The following UNC5A variants were observed in gnomAD, a reference collection of about 807,000 sequenced individuals.
UNC5A encodes unc-5 netrin receptor A.
UNC5A carries 20 observed loss-of-function variants against 87.4 expected under a neutral mutation model. The ratio of observed to expected loss-of-function variants is 0.23; its 90% CI spans 0.16 to 0.33. UNC5A has a LOEUF of 0.33. Among genes scored for constraint, UNC5A ranks in the 10% least tolerant of loss-of-function variants. UNC5A has a pLI of 1.00. For missense variants in UNC5A, 844 were observed against 1,133.4 expected (o/e 0.74, Z 3.67); for synonymous variants, 438 against 482.3 (o/e 0.91, Z 1.20).
At chr5:176,864,048 C>A (rs552136821) in intron 2 of UNC5A, among the ~76,000 whole-genome samples, 1 of 151,808 alleles carries the variant, frequency 6.6e-6, no homozygotes, top group African/African-American at 2.4e-5. Flanking sequence ...GACACACAGG[C>A]CATTGCCGTG....
chr5:176,850,378 G>C (rs1441831973), intron 1 of UNC5A, among the ~76,000 whole-genome samples: 1 of 152,220 alleles, frequency 6.6e-6, no homozygotes, highest in East Asian at 1.9e-4. Flanking sequence ...GGTTGAGGAC[G>C]GCACTGAGCT....
At chr5:176,835,924 G>A (rs1757140291) in intron 1 of UNC5A, among the ~76,000 whole-genome samples, 1 of 152,240 alleles carries the variant, frequency 6.6e-6, no homozygotes, top group Non-Finnish European at 1.5e-5. Context: ...CTTCTGGATA[G>A]AGAAGTGGAA....
chr5:176,840,445 A>G (rs1379474301), intron 1 of UNC5A, among the ~76,000 whole-genome samples: 1 of 152,210 alleles, frequency 6.6e-6, no homozygotes, highest in Non-Finnish European at 1.5e-5. Flanking sequence ...CACTCACATC[A>G]GCACTTTTCT....
rs1386438160 is a variant in UNC5A at position 176,878,054 on chromosome 5, C to T, written c.1796C>T (p.Ala599Val). 6.2e-7 allele frequency: 1 copy of T among 1,609,636 alleles called. No homozygotes were observed. The highest frequency in any genetic ancestry group is 1.3e-5 in the African/African-American group (1 of 75,060). Reference sequence around the variant, plus strand: ...AAGCGCCTCAAGCTGCTTCTGTTTGCGCCGGTGGCCTGCACCTCCCTCGAG... The same window carrying T: ...AAGCGCCTCAAGCTGCTTCTGTTTGTGCCGGTGGCCTGCACCTCCCTCGAG... ...AAKRLKLLLF[A>V]PVACTSLEYN... Residue 599 changes from alanine (A) to valine (V), a missense_variant, in exon 11 of 15, where the codon GCG (alanine) becomes GTG (valine). Coordinates refer to ENST00000329542, the MANE Select transcript of UNC5A (RefSeq NM_133369.3).
intron 13 of UNC5A, 72 bp downstream of exon 13, chr5:176,878,711 T>C: frequency 6.5e-7 from 1 of 1,534,270 alleles, no homozygotes; most frequent in Non-Finnish European, 8.8e-7. Flanking sequence ...CCCAAAACGC[T>C]CCTGCCCTGC....
Position 176,848,629 on chromosome 5 carries a change from G to T in UNC5A, c.71-13995G>T, listed in dbSNP as rs939240499. Reference sequence around the variant, plus strand: ...TTCCCAGATGGAAGGTGGCAGCAGGGCCCAGGCTCCTTCCCGCCCAAATTT... The same window carrying T: ...TTCCCAGATGGAAGGTGGCAGCAGGTCCCAGGCTCCTTCCCGCCCAAATTT... On this transcript the variant is annotated intron_variant, in intron 1 of 14. Coordinates refer to ENST00000329542, the MANE Select transcript of UNC5A (RefSeq NM_133369.3). The surrounding 1 kb of genome is among the most constrained non-coding windows in gnomAD (Gnocchi z 5.8). Among the ~76,000 whole-genome samples the T allele has an allele frequency of 1.3e-5, 2 of 152,136 alleles. No homozygotes were observed. Among genetic ancestry groups the T allele is most frequent in the Non-Finnish European group, 2.9e-5 (2 of 68,030 alleles).
intron 1 of UNC5A, among the ~76,000 whole-genome samples, chr5:176,861,588 G>GGGTT (rs1757841921): frequency 6.6e-6 from 1 of 152,196 alleles, no homozygotes; most frequent in South Asian, 2.1e-4. Flanking sequence ...AGCCCTGGGT[G>GGGTT]GGTTTTGGAT....
Position 176,874,043 on chromosome 5 carries a change from T to C in UNC5A, c.962T>C (p.Leu321Pro). ...GCCGTCTGCCTGGTCCTGCTGCTGCTTGTCCTCATCCTCGTTTATTGCCGG... is the reference window on the plus strand; with the variant it reads ...GCCGTCTGCCTGGTCCTGCTGCTGCCTGTCCTCATCCTCGTTTATTGCCGG... ...AVAVCLVLLL[L>P]VLILVYCRKK... Residue 321 changes from leucine (L) to proline (P), a missense_variant, in exon 7 of 15, where the codon CTT becomes CCT. Physicochemically the swap from Leu to Pro is moderately conservative, Grantham distance 98. Coordinates refer to ENST00000329542, the MANE Select transcript of UNC5A (RefSeq NM_133369.3). The surrounding 1 kb of genome is among the most constrained non-coding windows in gnomAD (Gnocchi z 7.6). 2 of 1,614,106 alleles carry C rather than the reference T, an allele frequency of 1.2e-6. No homozygotes were observed. The highest frequency in any genetic ancestry group is 1.3e-5 in the African/African-American group (1 of 75,040).
chr5:176,820,168 C>A (rs1038791919), intron 1 of UNC5A, among the ~76,000 whole-genome samples: 2 of 152,068 alleles, frequency 1.3e-5, no homozygotes, highest in Admixed American at 6.5e-5. Context: ...GAGGCCGAGG[C>A]GGGTGGATCA....
Position 176,824,687 on chromosome 5 carries a change from G to C in UNC5A, c.70+13867G>C, listed in dbSNP as rs376054251. Reference sequence around the variant, plus strand: ...GGGTGGCTGGGGCTGGAACCTGGATGCCACTTTGGCAGATGAACACCCCCT... The same window carrying C: ...GGGTGGCTGGGGCTGGAACCTGGATCCCACTTTGGCAGATGAACACCCCCT... On this transcript the variant is annotated intron_variant, in intron 1 of 14. Coordinates refer to ENST00000329542, the MANE Select transcript of UNC5A (RefSeq NM_133369.3). The surrounding 1 kb of genome is among the most constrained non-coding windows in gnomAD (Gnocchi z 4.2). Among the ~76,000 whole-genome samples, 38 of 152,328 alleles carry C rather than the reference G, an allele frequency of 2.5e-4. No homozygotes were observed. Among genetic ancestry groups the C allele is most frequent in the African/African-American group, 9.1e-4 (38 of 41,574 alleles).
intron 1 of UNC5A, among the ~76,000 whole-genome samples, chr5:176,816,475 C>T (rs1756591046): frequency 1.3e-5 from 2 of 152,256 alleles, no homozygotes; most frequent in South Asian, 4.1e-4. Flanking sequence ...GCTTCAGACC[C>T]CAGGGGCCCA....
intron 1 of UNC5A, among the ~76,000 whole-genome samples, chr5:176,811,960 A>G (rs901206067): frequency 2.0e-5 from 3 of 152,078 alleles, no homozygotes; most frequent in African/African-American, 7.2e-5. Flanking sequence ...CTGATGATTG[A>G]GGCCGATGGC....
At chr5:176,877,491 G>T in intron 9 of UNC5A, 44 bp from the exon 10 acceptor site, 1 of 1,551,122 alleles carries the variant, frequency 6.4e-7, no homozygotes, top group Non-Finnish European at 8.7e-7. Context: ...CCCAGGATGG[G>T]CCACTGACAC....
At position 176,879,658 on chromosome 5, in the gene UNC5A, G is replaced by C. The variant is rs372680251; in HGVS notation, c.2364-63G>C. ...GAGGCCCTGCCCTGGGGTGGGCCAG[G>C]GGGGGCAGGAGGTGTCGGCTGGGGC... On this transcript the variant is annotated intron_variant, in intron 14 of 14. Transcript: ENST00000329542. The C allele has an allele frequency of 1.8e-4, 289 of 1,590,432 alleles. 1 individual carries two copies. Among genetic ancestry groups the C allele is most frequent in the African/African-American group, 1.5e-3 (113 of 74,622 alleles).
Position 176,831,883 on chromosome 5 carries a change from C to CTTTTTTTTTTT in UNC5A, c.70+21064_70+21065insTTTTTTTTTTT, listed in dbSNP as rs1285414321. On this transcript the variant is annotated intron_variant, in intron 1 of 14. Transcript: ENST00000329542. ...TTTCACTTTCACACACTTTCTCTCT[C>CTTTTTTTTTTT]TCTTTTTTTTTTTTTTTTTTTTTTT... is the stretch of plus-strand genomic sequence containing the variant. Among the ~76,000 whole-genome samples the CTTTTTTTTTTT allele has an allele frequency of 1.6e-4, 19 of 115,312 alleles. 1 individual carries two copies. The highest frequency in any genetic ancestry group is 5.1e-4 in the African/African-American group (14 of 27,290). 75.6% of individuals were successfully genotyped at this position (115,312 alleles called of 152,430 possible).
At chr5:176,870,643 T>TGGAGAGG in intron 6 of UNC5A, 109 bp downstream of exon 6, 1 of 1,293,630 alleles carries the variant, frequency 7.7e-7, no homozygotes, top group Non-Finnish European at 1.0e-6. Flanking sequence ...GGCTGTAGCC[T>TGGAGAGG]CTCCAGGCTC....
Position 176,841,442 on chromosome 5 carries a change from G to A in UNC5A, c.71-21182G>A, listed in dbSNP as rs554800. 0.028 allele frequency among the ~76,000 whole-genome samples: 4,207 copies of A among 152,260 alleles called. 197 individuals are homozygous for A. The highest frequency in any genetic ancestry group is 0.096 in the African/African-American group (3,983 of 41,532). On this transcript the variant is annotated intron_variant, in intron 1 of 14. Transcript: ENST00000329542. This position sits in a 1 kb window ranked among gnomAD's most constrained non-coding sequence, Gnocchi z 4.1. ...GACTTGGGGCACAGACTGTGGAACCGGGCTGCCTGGCTGTCCCATGTGCAG... is the reference window on the plus strand; with the variant it reads ...GACTTGGGGCACAGACTGTGGAACCAGGCTGCCTGGCTGTCCCATGTGCAG...
At chr5:176,817,964 G>A (rs1756634650) in intron 1 of UNC5A, among the ~76,000 whole-genome samples, 1 of 152,054 alleles carries the variant, frequency 6.6e-6, no homozygotes, top group Non-Finnish European at 1.5e-5. Context: ...CCGCCCGCCG[G>A]ATTAGCGGCT....
chr5:176,874,035 G>A lies in UNC5A; in HGVS notation c.954G>A (p.Leu318=). 6.2e-7 allele frequency: 1 copy of A among 1,614,062 alleles called. No homozygotes were observed. Among genetic ancestry groups the A allele is most frequent in the Non-Finnish European group, 8.5e-7 (1 of 1,179,972 alleles). The change falls in exon 7 of 15, where the codon CTG becomes CTA. Residue 318 remains leucine, a synonymous_variant. Coordinates refer to ENST00000329542, the MANE Select transcript of UNC5A (RefSeq NM_133369.3). This position sits in a 1 kb window ranked among gnomAD's most constrained non-coding sequence, Gnocchi z 7.6. The part of the protein sequence containing the change: ...GLIAVAVCLV[L]LLLVLILVYC... ...TCGCCGTGGCCGTCTGCCTGGTCCT[G>A]CTGCTGCTTGTCCTCATCCTCGTTT...
Sources: gnomAD v4.1 joint callset for allele counts (sites outside exome capture counted in the v4.1 genomes callset) on GRCh38, gnomAD v4.1.1 for gene constraint, Gnocchi (gnomAD v3.1) non-coding constraint, MANE v1.5 for transcripts, NCBI Gene and HGNC (gene_info 2026-07-23, HGNC 2026-07-21) for gene names.